Variants in SS18L2 observed in about 807,000 individuals in gnomAD.
The protein encoded by SS18L2 is SS18-like protein 2.
SS18L2 carries 8 observed loss-of-function variants against 10.3 expected under a neutral mutation model. That is an observed-to-expected ratio of 0.78 (90% confidence interval 0.46 to 1.41). SS18L2 has a LOEUF of 1.41. Ranked by LOEUF, SS18L2 falls within the 40% of genes most tolerant of loss-of-function variation. The pLI, the probability that SS18L2 is intolerant of heterozygous loss-of-function variation, is 0.00. For missense variants in SS18L2, 100 were observed against 96.2 expected (o/e 1.04, Z -0.17); for synonymous variants, 41 against 34.6 (o/e 1.19, Z -0.65).
upstream of SS18L2, among the ~76,000 whole-genome samples, chr3:42,589,877 C>T (rs1704755424): frequency 6.6e-6 from 1 of 152,154 alleles, no homozygotes; most frequent in Non-Finnish European, 1.5e-5. Context: ...CAGGAGTAAC[C>T]ATGTGGCCCA....
chr3:42,586,066 C>G (rs1464431295), upstream of SS18L2, among the ~76,000 whole-genome samples: 1 of 152,208 alleles, frequency 6.6e-6, no homozygotes, highest in East Asian at 1.9e-4. Flanking sequence ...CCCCTCTCCC[C>G]TTTACAACCA....
At chr3:42,583,609 TG>T (rs1704507494) in intron 1 of SS18L2, among the ~76,000 whole-genome samples, 1 of 152,166 alleles carries the variant, frequency 6.6e-6, no homozygotes, top group Admixed American at 6.5e-5. Context: ...CTCAGGTAGC[TG>T]GGGGAACATT....
rs983693807 is a variant in SS18L2 at position 42,595,521 on chromosome 3, T to C, written c.*1012T>C. ...CATCACATAAGGAGTGACCTGACTT[T>C]TAAGTTCCCAACCAGCCTTTCACTT... On this transcript the variant is annotated 3_prime_UTR_variant, in exon 3 of 3. Transcript: ENST00000011691. Among the ~76,000 whole-genome samples the C allele has an allele frequency of 6.6e-6, 1 of 152,224 alleles. No individual in the cohort carries two copies. Among genetic ancestry groups the C allele is most frequent in the Non-Finnish European group, 1.5e-5 (1 of 68,026 alleles).
At chr3:42,586,622 G>T (rs543118755), upstream of SS18L2, among the ~76,000 whole-genome samples, 1 of 149,658 alleles carries the variant, frequency 6.7e-6, no homozygotes, top group African/African-American at 2.5e-5. Context: ...CACTCTCCTG[G>T]TTTTCCTCTT....
upstream of SS18L2, among the ~76,000 whole-genome samples, chr3:42,586,139 T>A (rs777931842): frequency 5.9e-5 from 9 of 152,214 alleles, no homozygotes; most frequent in Non-Finnish European, 1.2e-4. Context: ...CCTTTCATTA[T>A]TTCTCAGTCC....
At chr3:42,584,994 T>C (rs939653719) in intron 1 of SS18L2, among the ~76,000 whole-genome samples, 2 of 152,090 alleles carry the variant, frequency 1.3e-5, no homozygotes, top group Admixed American at 6.6e-5. Context: ...CCGGGCGTGA[T>C]GGTGGACATC....
chr3:42,593,645 C>A (rs1291528662), intron 2 of SS18L2, among the ~76,000 whole-genome samples: 4 of 152,060 alleles, frequency 2.6e-5, no homozygotes, highest in African/African-American at 9.7e-5. Flanking sequence ...AAAACAGATA[C>A]CAGCTCTGCA....
rs1643193079 is a variant in SS18L2 at position 42,596,128 on chromosome 3, T to G, written c.*1619T>G. 6.6e-6 allele frequency among the ~76,000 whole-genome samples: 1 copy of G among 152,118 alleles called. No homozygotes were observed. The highest frequency in any genetic ancestry group is 1.5e-5 in the Non-Finnish European group (1 of 68,000). ...CCTCTACCTCCTGGGTTCAAGTGAT[T>G]CTCCTGCCTCAGCCTCCCAAGTAGC... On this transcript the variant is annotated 3_prime_UTR_variant, in exon 3 of 3. Transcript: ENST00000011691.
intron 1 of SS18L2, chr3:42,582,408 AC>A (rs1172744749): frequency 3.3e-5 from 5 of 152,380 alleles, no homozygotes; most frequent in African/African-American, 9.6e-5. Flanking sequence ...AGCACAACCT[AC>A]TGCCAGCCTG....
chr3:42,586,301 CAACCTCTG>C (rs1341398511), upstream of SS18L2, among the ~76,000 whole-genome samples: 1 of 152,208 alleles, frequency 6.6e-6, no homozygotes, highest in Admixed American at 6.5e-5. Flanking sequence ...AGGCTTACTG[CAACCTCTG>C]CCTGCCGGAT....
At chr3:42,586,862 C>T (rs1704629152), upstream of SS18L2, among the ~76,000 whole-genome samples, 1 of 152,228 alleles carries the variant, frequency 6.6e-6, no homozygotes, top group Admixed American at 6.5e-5. Context: ...TCACACTGTA[C>T]ATTTCCACAA....
In SS18L2 at chr3:42,590,880, T is replaced by G. The variant is rs1323658734; in HGVS notation, c.-18T>G. 1.2e-6 allele frequency: 2 copies of G among 1,609,572 alleles called. No homozygotes were observed. The highest frequency in any genetic ancestry group is 1.7e-6 in the Non-Finnish European group (2 of 1,177,234). The stretch of plus-strand genomic sequence containing the variant: ...GGGTCGAGTTGCTTGGCGGTCGTGG[T>G]TCCGGAGGTTCCTCGGGATGTCGGT... On this transcript the variant is annotated 5_prime_UTR_variant, in exon 1 of 3. Transcript: ENST00000011691.
rs1704982637 is a variant in SS18L2, at chr3:42,594,785, A to C, written c.*276A>C. On this transcript the variant is annotated 3_prime_UTR_variant, in exon 3 of 3. Coordinates refer to ENST00000011691, the MANE Select transcript of SS18L2 (RefSeq NM_001370300.1). The stretch of plus-strand genomic sequence containing the variant: ...GAACTTGGAGCATGTTTGGATAACA[A>C]AGACATCACTGGGATGTTCAAGTCT... The C allele has an allele frequency of 3.6e-6, 1 of 279,244 alleles. No individual in the cohort carries two copies. Among genetic ancestry groups the C allele is most frequent in the African/African-American group, 2.2e-5 (1 of 45,280 alleles). The allele number at this position is 279,244 out of a possible 1,614,324, so 17.3% of individuals were successfully genotyped here. A position where few individuals can be genotyped will look rare whatever the true frequency, so the allele number is the denominator to read the frequency against.
At chr3:42,588,862 A>G (rs1704711191), upstream of SS18L2, among the ~76,000 whole-genome samples, 1 of 152,092 alleles carries the variant, frequency 6.6e-6, no homozygotes, top group Non-Finnish European at 1.5e-5. Flanking sequence ...CCTGAGGAGG[A>G]AGCCTGATGT....
chr3:42,587,940 G>A (rs1704677150), upstream of SS18L2, among the ~76,000 whole-genome samples: 1 of 151,842 alleles, frequency 6.6e-6, no homozygotes, highest in African/African-American at 2.4e-5. Context: ...GGGCGTGGTG[G>A]TGCATGCCTG....
At chr3:42,588,191 C>T (rs188782547), upstream of SS18L2, among the ~76,000 whole-genome samples, 5 of 152,212 alleles carry the variant, frequency 3.3e-5, no homozygotes, top group Non-Finnish European at 5.9e-5. Flanking sequence ...ATCATGAGGT[C>T]AGGAGTTCAA....
chr3:42,594,588 G>A lies in SS18L2; in HGVS notation c.*79G>A, dbSNP rs1704973057. ...AATGTAATCCATCTCTTACAAAATG[G>A]AGACAGGGTCTTTACCAACTCAACT... On this transcript the variant is annotated 3_prime_UTR_variant, in exon 3 of 3. Transcript: ENST00000011691. The A allele has an allele frequency of 7.9e-7, 1 of 1,268,172 alleles. No individual in the cohort carries two copies. Among genetic ancestry groups the A allele is most frequent in the Non-Finnish European group, 1.1e-6 (1 of 878,464 alleles). 78.6% of individuals were successfully genotyped at this position (1,268,172 alleles called of 1,614,324 possible). A position where few individuals can be genotyped will look rare whatever the true frequency, so the allele number is the denominator to read the frequency against.
chr3:42,588,989 G>A (rs537915755), upstream of SS18L2, among the ~76,000 whole-genome samples: 55 of 152,192 alleles, frequency 3.6e-4, no homozygotes, highest in African/African-American at 1.2e-3. Context: ...AGCAGGCCGG[G>A]CACAGTAGCT....
upstream of SS18L2, among the ~76,000 whole-genome samples, chr3:42,587,094 G>A: frequency 6.6e-6 from 1 of 152,026 alleles, no homozygotes; most frequent in East Asian, 1.9e-4. Flanking sequence ...ACTATCTCTG[G>A]CCTGCATGCT....
Sources: allele counts gnomAD v4.1 joint callset (sites outside exome capture counted in the v4.1 genomes callset), GRCh38; gene constraint gnomAD v4.1.1; transcripts MANE v1.5; gene names NCBI Gene and HGNC (gene_info 2026-07-23, HGNC 2026-07-21).